OCIAD1: variants seen among roughly 807,000 people sequenced by gnomAD.
OCIAD1 encodes OCIA domain containing 1.
A neutral mutation model predicts 38.9 loss-of-function variants in OCIAD1; 29 were observed. The ratio of observed to expected loss-of-function variants is 0.74; its 90% confidence interval spans 0.55 to 1.02. The LOEUF (loss-of-function observed/expected upper bound fraction) is 1.02. Among genes scored for constraint, OCIAD1 ranks in the 50% least tolerant of loss-of-function variants. The pLI, the probability that OCIAD1 is intolerant of heterozygous loss-of-function variation, is 0.00. For synonymous variants in OCIAD1, 110 were observed against 92.0 expected (o/e 1.20, Z -1.12); for missense variants, 288 against 289.6 (o/e 0.99, Z 0.04).
Position 48,842,656 on chromosome 4 carries a change from A to G in OCIAD1, c.160A>G (p.Ser54Gly). 1 of 1,577,052 alleles carries G rather than the reference A, an allele frequency of 6.3e-7. No individual in the cohort carries two copies. Among genetic ancestry groups the G allele is most frequent in the Non-Finnish European group, 8.6e-7 (1 of 1,162,538 alleles). The change falls in exon 4 of 9, where the codon AGT becomes GGT. Residue 54 changes from serine (S) to glycine (G), a missense_variant. By Grantham distance (56) the Ser-to-Gly change is moderately conservative (BLOSUM62 0). Transcript: ENST00000264312. ...TATAGCTGTGCCTTTGGCTGCAACA[A>G]GTATGTTGATTACTCAAGGATTAAT... ...WFRSVPLAATSMLITQGLISK... is the reference protein window; with the variant it reads ...WFRSVPLAATGMLITQGLISK...
At chr4:48,820,524 T>G (rs1339843762) in intron 1 of OCIAD1, among the ~76,000 whole-genome samples, 1 of 152,042 alleles carries the variant, frequency 6.6e-6, no homozygotes, top group Non-Finnish European at 1.5e-5. Flanking sequence ...ATTCAAAAGC[T>G]AGCAGAAAAC....
chr4:48,845,452 G>A (rs1391307174), intron 4 of OCIAD1, among the ~76,000 whole-genome samples: 2 of 152,114 alleles, frequency 1.3e-5, no homozygotes, highest in Admixed American at 6.6e-5. Context: ...CTTCCATGAT[G>A]GCATATTCCT....
At chr4:48,837,448 A>G (rs1253445597) in intron 3 of OCIAD1, among the ~76,000 whole-genome samples, 2 of 151,420 alleles carry the variant, frequency 1.3e-5, no homozygotes, top group Non-Finnish European at 2.9e-5. Flanking sequence ...GCCTGCCACC[A>G]TGCTCAGCTA....
chr4:48,831,159 C>CCCTCCCTG lies in OCIAD1; in HGVS notation c.-93_-86dup, dbSNP rs1777445673. The stretch of plus-strand genomic sequence containing the variant: ...TCCCCGCGGTACCTTGCACTTTTCT[C>CCCTCCCTG]CCTCCCTGCCCCCTCTCGAGTCCAC... On this transcript the variant is annotated 5_prime_UTR_variant, in exon 1 of 9. An upstream open reading frame in the 5' UTR loses its in-frame stop. Coordinates refer to ENST00000264312, the MANE Select transcript of OCIAD1 (RefSeq NM_017830.4). 3.3e-6 allele frequency: 1 copy of CCCTCCCTG among 302,826 alleles called. No individual in the cohort carries two copies. 18.8% of individuals were successfully genotyped at this position (302,826 alleles called of 1,614,324 possible). A position where few individuals can be genotyped will look rare whatever the true frequency, so the allele number is the denominator to read the frequency against.
intron 7 of OCIAD1, among the ~76,000 whole-genome samples, chr4:48,854,467 T>C (rs1013448003): frequency 2.0e-5 from 3 of 152,212 alleles, no homozygotes; most frequent in African/African-American, 7.2e-5. Context: ...AAACCACAGA[T>C]AAGGGGGCAC....
chr4:48,815,098 G>A (rs1015900290), intron 1 of OCIAD1, among the ~76,000 whole-genome samples: 1 of 152,190 alleles, frequency 6.6e-6, no homozygotes, highest in Non-Finnish European at 1.5e-5. Flanking sequence ...CAGATCATGA[G>A]GTCAGGAGTT....
upstream of OCIAD1, among the ~76,000 whole-genome samples, chr4:48,829,195 G>T (rs1277228660): frequency 6.6e-6 from 1 of 151,858 alleles, no homozygotes; most frequent in Admixed American, 6.6e-5. Flanking sequence ...GGGAGGCGAA[G>T]GTTGCAGTGA....
intron 5 of OCIAD1, among the ~76,000 whole-genome samples, 182 bp from the exon 6 acceptor site, chr4:48,849,765 T>C (rs1053673654): frequency 1.3e-5 from 2 of 152,220 alleles, no homozygotes; most frequent in Admixed American, 6.5e-5. Context: ...ATCCATAGAC[T>C]CTGTATATGA....
chr4:48,818,630 G>A (rs985054768), intron 1 of OCIAD1, among the ~76,000 whole-genome samples: 16 of 152,144 alleles, frequency 1.1e-4, no homozygotes, highest in Non-Finnish European at 1.8e-4. Flanking sequence ...ACTCCTCTGA[G>A]CTAAAGGAGC....
chr4:48,813,556 A>G (rs1777112661), intron 1 of OCIAD1, among the ~76,000 whole-genome samples: 1 of 152,238 alleles, frequency 6.6e-6, no homozygotes. Flanking sequence ...TGGGAGGCTG[A>G]GATGGGAGGC....
chr4:48,845,839 A>C (rs746673065), intron 4 of OCIAD1, among the ~76,000 whole-genome samples: 3 of 152,206 alleles, frequency 2.0e-5, no homozygotes, highest in Non-Finnish European at 4.4e-5. Context: ...GTCTTTATTA[A>C]CTATCTACCT....
At chr4:48,846,902 C>T (rs930979207) in intron 4 of OCIAD1, among the ~76,000 whole-genome samples, 7 of 152,294 alleles carry the variant, frequency 4.6e-5, no homozygotes, top group African/African-American at 1.7e-4. Flanking sequence ...TGTGTGAATA[C>T]ACCAGTTTAT....
At chr4:48,853,274 G>A (rs535884344) in intron 7 of OCIAD1, among the ~76,000 whole-genome samples, 2 of 152,050 alleles carry the variant, frequency 1.3e-5, no homozygotes, top group South Asian at 2.1e-4. Context: ...TTATATAAAC[G>A]TAGACTTTAT....
At chr4:48,849,611 G>A (rs1579093922) in intron 5 of OCIAD1, among the ~76,000 whole-genome samples, 1 of 152,158 alleles carries the variant, frequency 6.6e-6, no homozygotes, top group South Asian at 2.1e-4. Flanking sequence ...TAAATGTTTT[G>A]ATGCTTTTAT....
chr4:48,860,703 ATTAT>A lies in OCIAD1; in HGVS notation c.701-17_701-14del. ...TACTTATTATTGCTTGGAATCATCA[ATTAT>A]TTATGCTTTTTTCCTAGTCAAAGTA... On this transcript the variant is annotated intron_variant, in intron 8 of 8. Coordinates refer to ENST00000264312, the MANE Select transcript of OCIAD1 (RefSeq NM_017830.4). 6.5e-7 allele frequency: 1 copy of A among 1,541,258 alleles called. No homozygotes were observed. The highest frequency in any genetic ancestry group is 9.0e-7 in the Non-Finnish European group (1 of 1,115,622).
rs1777451023 is a variant in OCIAD1 at position 48,831,199 on chromosome 4, GC to G, written c.-52del. 1 of 336,102 alleles carries G rather than the reference GC, an allele frequency of 3.0e-6. No individual in the cohort carries two copies. Among genetic ancestry groups the G allele is most frequent in the Non-Finnish European group, 5.9e-6 (1 of 168,674 alleles). 20.8% of individuals were successfully genotyped at this position (336,102 alleles called of 1,614,324 possible). Reference sequence around the variant, plus strand: ...CTCGAGTCCACCCTCCGGGCCTTCTGCCCCTGATCGCTTGGTTTTCCTTGCA... The same window carrying G: ...CTCGAGTCCACCCTCCGGGCCTTCTGCCCTGATCGCTTGGTTTTCCTTGCA... On this transcript the variant is annotated 5_prime_UTR_variant, in exon 1 of 9. It removes the in-frame stop codon of an upstream open reading frame in the 5' UTR. Coordinates refer to ENST00000264312, the MANE Select transcript of OCIAD1 (RefSeq NM_017830.4).
chr4:48,823,523 G>T (rs1046567960), intron 1 of OCIAD1, among the ~76,000 whole-genome samples: 1 of 151,338 alleles, frequency 6.6e-6, no homozygotes, highest in African/African-American at 2.4e-5. Flanking sequence ...TAACACACCT[G>T]CAGGTTCTCC....
intron 1 of OCIAD1, among the ~76,000 whole-genome samples, chr4:48,815,132 T>G (rs1238525007): frequency 1.3e-5 from 2 of 152,032 alleles, no homozygotes; most frequent in African/African-American, 4.8e-5. Context: ...GCCAACATAG[T>G]GAAACCCCAT....
intron 1 of OCIAD1, among the ~76,000 whole-genome samples, chr4:48,810,886 CTTTCTTTCTTTTTTTT>C (rs1219570227): frequency 6.8e-5 from 3 of 44,302 alleles, no homozygotes; most frequent in African/African-American, 2.5e-4. Context: ...TTTTTTCTTT[CTTTCTTTCTTTTTTTT>C]TTTTTTTTTT....
Sources: allele counts gnomAD v4.1 joint callset (sites outside exome capture counted in the v4.1 genomes callset), GRCh38; gene constraint gnomAD v4.1.1; transcripts MANE v1.5; gene names NCBI Gene and HGNC (gene_info 2026-07-23, HGNC 2026-07-21).